Variants in PGM5 observed in about 807,000 individuals in gnomAD.
PGM5 encodes phosphoglucomutase 5.
A neutral mutation model predicts 59.2 loss-of-function variants in PGM5; 23 were observed. The ratio of observed to expected loss-of-function variants is 0.39; its 90% confidence interval spans 0.28 to 0.55. PGM5 has a LOEUF of 0.55. Among genes scored for constraint, PGM5 ranks in the 20% least tolerant of loss-of-function variants. PGM5 has a pLI of 0.66. For missense variants in PGM5, 574 were observed against 748.3 expected (o/e 0.77, Z 2.72); for synonymous variants, 214 against 286.0 (o/e 0.75, Z 2.54).
chr9:68,517,473 T>C (rs1824840097), intron 10 of PGM5, among the ~76,000 whole-genome samples: 1 of 152,226 alleles, frequency 6.6e-6, no homozygotes, highest in African/African-American at 2.4e-5. Flanking sequence ...TCACTGCCTC[T>C]AGTGTACTAT....
At chr9:68,456,539 T>G (rs1488722886) in intron 6 of PGM5, among the ~76,000 whole-genome samples, 1 of 150,934 alleles carries the variant, frequency 6.6e-6, no homozygotes, top group Non-Finnish European at 1.5e-5. Flanking sequence ...CAGGATGGTC[T>G]CGATCTCCTG....
intron 9 of PGM5, among the ~76,000 whole-genome samples, chr9:68,495,232 C>T (rs1824464397): frequency 1.3e-5 from 2 of 152,070 alleles, no homozygotes; most frequent in African/African-American, 4.8e-5. Flanking sequence ...CAAAAACACA[C>T]ATAATGAAGT....
At chr9:68,501,667 GCA>G in intron 10 of PGM5, among the ~76,000 whole-genome samples, 1 of 152,194 alleles carries the variant, frequency 6.6e-6, no homozygotes, top group African/African-American at 2.4e-5. Context: ...TCTCTAATCT[GCA>G]GAGATTCCAT....
chr9:68,432,055 T>A (rs1823359592), intron 6 of PGM5, among the ~76,000 whole-genome samples: 1 of 152,018 alleles, frequency 6.6e-6, no homozygotes. Flanking sequence ...TGGGGTTCTT[T>A]TTGTTGTGTT....
intron 6 of PGM5, among the ~76,000 whole-genome samples, chr9:68,440,872 A>G (rs1216456035): frequency 6.6e-6 from 1 of 152,094 alleles, no homozygotes; most frequent in Non-Finnish European, 1.5e-5. Context: ...TAGAAACAAA[A>G]GCTGGTTCTT....
In PGM5 at chr9:68,370,749, A is replaced by G. The variant is rs1250551512; in HGVS notation, c.262-7450A>G. ...TTTATGGATGAAAAAGCCCAATGAC[A>G]TAATTTAGGTGAGGTTTAAGGCTTG... On this transcript the variant is annotated intron_variant, in intron 1 of 10. Transcript: ENST00000396396. 1.8e-3 allele frequency among the ~76,000 whole-genome samples: 273 copies of G among 152,324 alleles called. 1 individual carries two copies. Among genetic ancestry groups the G allele is most frequent in the African/African-American group, 6.5e-3 (270 of 41,572 alleles).
chr9:68,445,962 T>A (rs1554683986), intron 6 of PGM5, among the ~76,000 whole-genome samples: 1 of 152,250 alleles, frequency 6.6e-6, no homozygotes, highest in African/African-American at 2.4e-5. Flanking sequence ...GGTTTACAAA[T>A]GGTGAAGGAA....
At chr9:68,377,961 T>G (rs1554677959) in intron 1 of PGM5, among the ~76,000 whole-genome samples, 1 of 152,206 alleles carries the variant, frequency 6.6e-6, no homozygotes, top group African/African-American at 2.4e-5. Flanking sequence ...CAATGAGGCA[T>G]ATCCTATTTA....
chr9:68,371,379 C>T (rs555174456), intron 1 of PGM5, among the ~76,000 whole-genome samples: 8,307 of 151,878 alleles, frequency 0.055, 680 homozygotes, highest in African/African-American at 0.19. Flanking sequence ...TGCAAGGTAG[C>T]GGTCTGCTGC....
chr9:68,357,096 G>A lies in PGM5; in HGVS notation c.-32G>A, dbSNP rs10867824. 578,258 of 1,444,862 alleles carry A rather than the reference G, an allele frequency of 0.4. 116,543 individuals are homozygous for A. The highest frequency in any genetic ancestry group is 0.47 in the Admixed American group (18,301 of 39,084). 89.5% of individuals were successfully genotyped at this position (1,444,862 alleles called of 1,614,324 possible). A position where few individuals can be genotyped will look rare whatever the true frequency, so the allele number is the denominator to read the frequency against. ...CAGGCTGCAGATTCCCTCCGGCTCC[G>A]GGAGCCGCAGCAGGACCGGCCAGGA... On this transcript the variant is annotated 5_prime_UTR_variant, in exon 1 of 11. Coordinates refer to ENST00000396396, the MANE Select transcript of PGM5 (RefSeq NM_021965.4).
intron 2 of PGM5, among the ~76,000 whole-genome samples, chr9:68,382,916 A>G (rs1554678450): frequency 6.6e-6 from 1 of 151,998 alleles, no homozygotes; most frequent in East Asian, 1.9e-4. Context: ...ACAGCCAAAG[A>G]ATATAGTATG....
chr9:68,408,518 G>T (rs1475790306), intron 6 of PGM5, among the ~76,000 whole-genome samples: 1 of 152,134 alleles, frequency 6.6e-6, no homozygotes, highest in African/African-American at 2.4e-5. Context: ...CTCCCATTTT[G>T]TAAGTTGCCT....
At chr9:68,496,681 G>A (rs1287001536) in intron 9 of PGM5, 2 of 152,190 alleles carry the variant, frequency 1.3e-5, no homozygotes, top group African/African-American at 4.8e-5. Context: ...AACCTCAGGG[G>A]AAAACAATAA....
chr9:68,499,203 C>T (rs375853963), intron 9 of PGM5, 24 bp from the exon 10 acceptor site: 11 of 1,613,242 alleles, frequency 6.8e-6, no homozygotes, highest in Non-Finnish European at 9.3e-6. Flanking sequence ...CTCACTGCTC[C>T]ATTCTGGATG....
In PGM5 at chr9:68,529,613, T is replaced by C. The variant is rs768548542; in HGVS notation, c.1661T>C (p.Ile554Thr). The C allele has an allele frequency of 7.5e-6, 12 of 1,600,988 alleles. No individual in the cohort carries two copies. In the East Asian group the frequency reaches 1.6e-4, roughly 21 times the overall value. ...GCCATCGCACTGAAAATATCCCAGA[T>C]TCATGAGAGAACTGGCCGGAGGGGA... Reference protein sequence around the residue: ...LIAIALKISQIHERTGRRGPT... With the variant: ...LIAIALKISQTHERTGRRGPT... The change falls in exon 11 of 11, where the codon ATT becomes ACT. Residue 554 changes from isoleucine (I) to threonine (T), a missense_variant. This residue lies in a region of PGM5 where 300 missense variants were observed against 280.0 expected (regional missense o/e 1.07). Coordinates refer to ENST00000396396, the MANE Select transcript of PGM5 (RefSeq NM_021965.4).
chr9:68,391,606 T>C lies in PGM5; in HGVS notation c.770T>C (p.Val257Ala). Residue 257 changes from valine (V) to alanine (A), a missense_variant, in exon 5 of 11, where the codon GTT becomes GCT. Around this residue, in one of 7 missense-constraint regions of PGM5, gnomAD observed 34 missense variants for 48.1 expected, o/e 0.71. Transcript: ENST00000396396. ...GAPANSAINC[V>A]PLEDFGGQHP... ...CCAGCCAATTCTGCAATAAACTGTG[T>C]TCCCCTGGAAGACTTTGGAGGGCAG... 2 of 1,613,390 alleles carry C rather than the reference T, an allele frequency of 1.2e-6. No individual in the cohort carries two copies. Among genetic ancestry groups the C allele is most frequent in the Non-Finnish European group, 1.7e-6 (2 of 1,179,484 alleles).
chr9:68,389,296 T>A (rs1446447804), intron 4 of PGM5, among the ~76,000 whole-genome samples: 1 of 152,098 alleles, frequency 6.6e-6, no homozygotes, highest in Non-Finnish European at 1.5e-5. Context: ...GGTATACAGT[T>A]TGATAAGATT....
intron 6 of PGM5, among the ~76,000 whole-genome samples, chr9:68,411,484 G>GTATATATATATATATATATA (rs782186409): frequency 1.9e-5 from 2 of 105,930 alleles, no homozygotes; most frequent in Non-Finnish European, 4.3e-5. Flanking sequence ...GTGTGTGTGT[G>GTATATATATATATATATATA]TGTGTATATA....
intron 6 of PGM5, among the ~76,000 whole-genome samples, chr9:68,455,052 C>T (rs1823751941): frequency 6.6e-6 from 1 of 152,224 alleles, no homozygotes; most frequent in Non-Finnish European, 1.5e-5. Flanking sequence ...GGCAGGGTGG[C>T]TGCCTGTGCA....
Sources: gnomAD v4.1 joint callset for allele counts (sites outside exome capture counted in the v4.1 genomes callset) on GRCh38, gnomAD v4.1.1 for gene constraint, gnomAD v4.1.1 regional missense constraint, MANE v1.5 for transcripts, NCBI Gene and HGNC (gene_info 2026-07-23, HGNC 2026-07-21) for gene names.